Variants in SMARCA2 observed in about 807,000 individuals in gnomAD.
SMARCA2 encodes SWI/SNF related BAF chromatin remodeling complex subunit ATPase 2.
A neutral mutation model predicts 199.8 loss-of-function variants in SMARCA2; 61 were observed. The ratio of observed to expected loss-of-function variants is 0.31; its 90% CI spans 0.25 to 0.38. SMARCA2 has a LOEUF of 0.38. Ranked by LOEUF, SMARCA2 falls within the 10% of genes least tolerant of loss-of-function variation. The pLI is 1.00. For missense variants in SMARCA2, 1,344 were observed against 2,012.2 expected, an observed-to-expected ratio of 0.67 and a Z score of 6.35; for synonymous variants, 935 against 732.0, an observed-to-expected ratio of 1.28 and a Z score of -4.48.
chr9:2,040,032 C>G, intron 4 of SMARCA2, 132 bp downstream of exon 4: 1 of 1,471,464 alleles, frequency 6.8e-7, no homozygotes, highest in Admixed American at 2.1e-5. Flanking sequence ...GGCTCTCTAT[C>G]CTTGCTCCAC....
At chr9:2,024,473 T>G (rs531387376) in intron 1 of SMARCA2, among the ~76,000 whole-genome samples, 1 of 152,312 alleles carries the variant, frequency 6.6e-6, no homozygotes, top group Admixed American at 6.5e-5. Context: ...GCCTTGTACC[T>G]AGTAGATACT....
Position 2,081,936 on chromosome 9 carries a change from C to A in SMARCA2, c.2289C>A (p.Ile763=), listed in dbSNP as rs1478922033. 6.2e-7 allele frequency: 1 copy of A among 1,613,886 alleles called. No individual in the cohort carries two copies. The highest frequency in any genetic ancestry group is 1.1e-5 in the South Asian group (1 of 91,064). The change falls in exon 15 of 34, where the codon ATC becomes ATA. Residue 763 remains isoleucine (I), a synonymous_variant. Coordinates refer to ENST00000349721, the MANE Select transcript of SMARCA2 (RefSeq NM_003070.5). ...LGKTIQTIAL[I]TYLMEHKRLN... The stretch of plus-strand genomic sequence containing the variant: ...AGACCATACAGACCATTGCACTCAT[C>A]ACTTATCTGATGGAGCACAAAAGAC...
At chr9:2,173,879 G>A (rs1826392689) in intron 29 of SMARCA2, among the ~76,000 whole-genome samples, 1 of 152,218 alleles carries the variant, frequency 6.6e-6, no homozygotes, top group Non-Finnish European at 1.5e-5. Flanking sequence ...TTTGGGAAAT[G>A]CTGAATTGGA....
At chr9:2,097,516 C>A (rs1008972529) in intron 21 of SMARCA2, 45 bp downstream of exon 21, 8 of 1,064,010 alleles carry the variant, frequency 7.5e-6, no homozygotes, top group African/African-American at 3.2e-5. Flanking sequence ...GCTAATCATA[C>A]TAATGCTAGT....
chr9:2,185,772 T>C (rs1827396863), intron 31 of SMARCA2, among the ~76,000 whole-genome samples: 1 of 152,200 alleles, frequency 6.6e-6, no homozygotes, highest in South Asian at 2.1e-4. Context: ...TACTACAGCA[T>C]TTGGTAGAAC....
At position 2,170,463 on chromosome 9, in the gene SMARCA2, A is replaced by C; in HGVS notation, c.4244A>C (p.Glu1415Ala). Residue 1415 changes from glutamate to alanine, a missense_variant, in exon 29 of 34, where the codon GAA (glutamate) becomes GCA (alanine). Physicochemically the swap from Glu to Ala is moderately radical, Grantham distance 107. Transcript: ENST00000349721. The surrounding 1 kb of genome is among the most constrained non-coding windows in gnomAD (Gnocchi z 4.7). ...KVPSNSQLEIEGNSSGRQLSE... is the reference protein window; with the variant it reads ...KVPSNSQLEIAGNSSGRQLSE... ...CCCAGTAATTCTCAGTTGGAAATAG[A>C]AGGAAACAGGTCAGGATCTGTCTTG... The C allele has an allele frequency of 6.2e-7, 1 of 1,614,084 alleles. No homozygotes were observed.
Position 2,054,730 on chromosome 9 carries a change from C to G in SMARCA2, c.1173+7C>G. 6.2e-7 allele frequency: 1 copy of G among 1,613,830 alleles called. No individual in the cohort carries two copies. On this transcript the variant is annotated splice_region_variant and intron_variant, in intron 6 of 33. Coordinates refer to ENST00000349721, the MANE Select transcript of SMARCA2 (RefSeq NM_003070.5). ...ACTCAATTTCCAGCGTCAGGTAATA[C>G]ATTTTCCCCAGTGAATCTGAGATGT...
In SMARCA2 at chr9:2,056,893, C is replaced by T; in HGVS notation, c.1347+48C>T. On this transcript the variant is annotated intron_variant, in intron 7 of 33. Coordinates refer to ENST00000349721, the MANE Select transcript of SMARCA2 (RefSeq NM_003070.5). The surrounding 1 kb of genome is among the most constrained non-coding windows in gnomAD (Gnocchi z 4.0). ...TCACCCTCACTTTGGCAGAGCTGTC[C>T]AATGAATTCATCAAATGGGGTCAGA... The T allele has an allele frequency of 6.5e-7, 1 of 1,549,206 alleles. No homozygotes were observed.
In SMARCA2 at chr9:2,039,908, A is replaced by G; in HGVS notation, c.790+8A>G. 5 of 1,612,848 alleles carry G rather than the reference A, an allele frequency of 3.1e-6. No homozygotes were observed. The highest frequency in any genetic ancestry group is 3.4e-6 in the Non-Finnish European group (4 of 1,179,448). On this transcript the variant is annotated splice_region_variant and intron_variant, in intron 4 of 33. Coordinates refer to ENST00000349721, the MANE Select transcript of SMARCA2 (RefSeq NM_003070.5). This position sits in a 1 kb window ranked among gnomAD's most constrained non-coding sequence, Gnocchi z 4.8. ...ACTACAACAGACCATCTGGTAGGTT[A>G]ATACGCAACCAAATGAATAATGCCA... is the stretch of plus-strand genomic sequence containing the variant.
chr9:2,166,257 C>G (rs1361923179), intron 28 of SMARCA2, among the ~76,000 whole-genome samples: 1 of 152,102 alleles, frequency 6.6e-6, no homozygotes, highest in Admixed American at 6.5e-5. Context: ...ACATGGCGCC[C>G]AGAACTCCAA....
rs1167123985 is a variant in SMARCA2, at chr9:2,047,499, C to T, written c.1046+15C>T. The T allele has an allele frequency of 5.0e-6, 7 of 1,397,726 alleles. No homozygotes were observed. The South Asian group carries it at 1.0e-4, about 20-fold the overall frequency. The allele number at this position is 1,397,726 out of a possible 1,614,324, so 86.6% of individuals were successfully genotyped here. On this transcript the variant is annotated intron_variant, in intron 5 of 33. Transcript: ENST00000349721. ...CGGGAATACAGGTAACGCACCCCGC[C>T]AGCAAGGGGCCCCCTGCGGTGTGCT...
intron 19 of SMARCA2, among the ~76,000 whole-genome samples, chr9:2,095,161 C>T (rs1267561014): frequency 1.3e-5 from 2 of 151,566 alleles, no homozygotes; most frequent in Non-Finnish European, 2.9e-5. Context: ...TCTCAGCTCA[C>T]TGCAACCTCC....
At chr9:2,133,524 C>T (rs1282382915) in intron 27 of SMARCA2, among the ~76,000 whole-genome samples, 3 of 151,964 alleles carry the variant, frequency 2.0e-5, no homozygotes, top group Non-Finnish European at 4.4e-5. Context: ...CCTAAGTGAT[C>T]CTCCTGCCTC....
chr9:2,191,116 A>T (rs1476444467), intron 32 of SMARCA2, 150 bp from the exon 33 acceptor site: 2 of 734,782 alleles, frequency 2.7e-6, no homozygotes, highest in Non-Finnish European at 4.6e-6. Flanking sequence ...CGCTGACTAG[A>T]CAGAACCACA....
Position 2,124,001 on chromosome 9 carries a change from A to G in SMARCA2, c.3981+64A>G, listed in dbSNP as rs931955487. On this transcript the variant is annotated intron_variant, in intron 27 of 33. Transcript: ENST00000349721. ...GGGTTTTTGGTGGCTTGGAGAAACC[A>G]GGGGCCTAGAGCTGGGATTTTCTGA... The G allele has an allele frequency of 6.1e-6, 8 of 1,310,788 alleles. No homozygotes were observed. The African/African-American group carries it at 7.3e-5, about 12-fold the overall frequency. 81.2% of individuals were successfully genotyped at this position (1,310,788 alleles called of 1,614,324 possible). A position where few individuals can be genotyped will look rare whatever the true frequency, so the allele number is the denominator to read the frequency against.
At chr9:2,164,450 C>T (rs887118939) in intron 28 of SMARCA2, among the ~76,000 whole-genome samples, 2 of 152,160 alleles carry the variant, frequency 1.3e-5, no homozygotes, top group Non-Finnish European at 2.9e-5. Context: ...TTCCCCATCC[C>T]AGAATCCCAG....
intron 4 of SMARCA2, chr9:2,040,799 T>TTGCA (rs1359748336): frequency 1.3e-5 from 2 of 152,402 alleles, no homozygotes; most frequent in African/African-American, 4.8e-5. Context: ...ATACAATCCT[T>TTGCA]TGCATGGCCT....
At chr9:2,190,143 T>C (rs1827777848) in intron 32 of SMARCA2, among the ~76,000 whole-genome samples, 1 of 152,204 alleles carries the variant, frequency 6.6e-6, no homozygotes, top group Non-Finnish European at 1.5e-5. Context: ...ATTTGTGATA[T>C]TGTACCTTGA....
At chr9:2,058,222 A>G (rs1820439674) in intron 7 of SMARCA2, 69 bp from the exon 8 acceptor site, 20 of 1,381,272 alleles carry the variant, frequency 1.4e-5, no homozygotes, top group Non-Finnish European at 1.8e-5. Context: ...CTTGGACAAC[A>G]CTGATAGCTC....
Sources: gnomAD v4.1 joint callset for allele counts (sites outside exome capture counted in the v4.1 genomes callset) on GRCh38, gnomAD v4.1.1 for gene constraint, Gnocchi (gnomAD v3.1) non-coding constraint, MANE v1.5 for transcripts, NCBI Gene and HGNC (gene_info 2026-07-23, HGNC 2026-07-21) for gene names.